The following ENO4 variants were observed in gnomAD, a reference collection of about 807,000 sequenced individuals.
The protein encoded by ENO4 is 2-phospho-D-glycerate hydro-lyase.
A neutral mutation model predicts 63.2 loss-of-function variants in ENO4; 53 were observed. The ratio of observed to expected loss-of-function variants is 0.84; its 90% CI spans 0.67 to 1.05. The LOEUF (loss-of-function observed/expected upper bound fraction) is 1.05, where lower values mean the gene tolerates loss of function less well. Among genes scored for constraint, ENO4 ranks in the 50% least tolerant of loss-of-function variants. ENO4 has a pLI of 0.00. For synonymous variants in ENO4, 266 were observed against 283.8 expected (o/e 0.94, Z 0.63); for missense variants, 719 against 772.0 (o/e 0.93, Z 0.81).
At position 116,858,323 on chromosome 10, in the gene ENO4, G is replaced by C. The variant is rs140292035; in HGVS notation, c.486-667G>C. ...GGGAATGTTGATACTTTGCCCCCAT[G>C]GTTGATAGTTTAGCTGAGTATAGAA... On this transcript the variant is annotated intron_variant, in intron 3 of 13. Coordinates refer to ENST00000341276, the MANE Select transcript of ENO4 (RefSeq NM_001242699.2). Among the ~76,000 whole-genome samples the C allele has an allele frequency of 3.2e-3, 489 of 152,272 alleles. 8 individuals carry two copies. Among genetic ancestry groups the C allele is most frequent in the Non-Finnish European group, 3.2e-3 (220 of 68,034 alleles).
exon 11 of ENO4, chr10:116,911,721 A>G (rs1017045093): frequency 7.2e-5 from 114 of 1,582,826 alleles, no homozygotes; most frequent in Non-Finnish European, 9.0e-5. Context: ...AATTCACAAA[A>G]AACAGATTTT....
chr10:116,871,528 C>A (rs561461892), intron 9 of ENO4, among the ~76,000 whole-genome samples: 1 of 152,064 alleles, frequency 6.6e-6, no homozygotes, highest in East Asian at 1.9e-4. Flanking sequence ...AGAAATTCTA[C>A]AATAAAGATA....
rs770989176 is a variant in ENO4 at position 116,856,605 on chromosome 10, G to A, written c.408G>A (p.Gln136=). Residue 136 remains glutamine (Q), a synonymous_variant, in exon 3 of 14, where the codon CAG becomes CAA. Coordinates refer to ENST00000341276, the MANE Select transcript of ENO4 (RefSeq NM_001242699.2). ...CCAGCGCGGTGAGCACCGCCGTGCA[G>A]TGGGTCAACAGCACCATCACGCACG... ...ERASAVSTAV[Q]WVNSTITHEL... 32 of 1,536,094 alleles carry A rather than the reference G, an allele frequency of 2.1e-5. No individual in the cohort carries two copies. Among genetic ancestry groups the A allele is most frequent in the Non-Finnish European group, 9.6e-6 (11 of 1,146,944 alleles).
chr10:116,898,016 A>G (rs1847582281), intron 10 of ENO4, among the ~76,000 whole-genome samples: 1 of 152,172 alleles, frequency 6.6e-6, no homozygotes. Flanking sequence ...CTCAAAGTAA[A>G]AGAGTTTCTT....
At chr10:116,905,702 G>A (rs115477352) in intron 10 of ENO4, among the ~76,000 whole-genome samples, 1,922 of 152,186 alleles carry the variant, frequency 0.013, 50 homozygotes, top group African/African-American at 0.045. Flanking sequence ...AAACTGTTAC[G>A]ATAGACTACT....
At chr10:116,889,120 G>C (rs970647713) in intron 10 of ENO4, among the ~76,000 whole-genome samples, 2 of 152,208 alleles carry the variant, frequency 1.3e-5, no homozygotes, top group Non-Finnish European at 2.9e-5. Context: ...GAACTACCAT[G>C]GATGTTTCCA....
intron 2 of ENO4, 128 bp downstream of exon 2, chr10:116,855,879 C>A: frequency 9.4e-7 from 1 of 1,060,426 alleles, no homozygotes; most frequent in Non-Finnish European, 1.3e-6. Context: ...CATAGGTAGT[C>A]ATGTAAGCAT....
chr10:116,877,973 G>T (rs1287081994), intron 11 of ENO4, among the ~76,000 whole-genome samples: 1 of 152,160 alleles, frequency 6.6e-6, no homozygotes, highest in African/African-American at 2.4e-5. Flanking sequence ...GCTTTGCTCT[G>T]ACATACTTGG....
chr10:116,907,851 C>G, intron 10 of ENO4: 1 of 515,892 alleles, frequency 1.9e-6, no homozygotes, highest in East Asian at 5.5e-5. Context: ...ATAATCTTGC[C>G]AGCCTTTGTA....
chr10:116,876,193 G>A lies in ENO4; in HGVS notation c.1470G>A (p.Gly490=), dbSNP rs193152343. The change falls in exon 11 of 14, where the codon GGG becomes GGA. Residue 490 remains glycine, a synonymous_variant. Transcript: ENST00000341276. ...QGNISIPKSN[G]LIIKHTNQTT... ...ACATCAGCATCCCCAAATCCAATGG[G>A]CTGATCATAAAACACACAAACCAAA... is the stretch of plus-strand genomic sequence containing the variant. 5.1e-5 allele frequency: 79 copies of A among 1,550,416 alleles called. No individual in the cohort carries two copies. Among genetic ancestry groups the A allele is most frequent in the Non-Finnish European group, 6.4e-5 (73 of 1,146,964 alleles).
intron 8 of ENO4, among the ~76,000 whole-genome samples, chr10:116,869,974 T>C (rs539466147): frequency 6.6e-6 from 1 of 152,348 alleles, no homozygotes; most frequent in African/African-American, 2.4e-5. Flanking sequence ...GAACAGTACC[T>C]GGCATTTAGT....
At chr10:116,906,505 C>T (rs1341642725) in intron 10 of ENO4, 2 of 991,414 alleles carry the variant, frequency 2.0e-6, no homozygotes, top group Non-Finnish European at 2.8e-6. Context: ...ATACTTCTCA[C>T]TCACATTAAA....
At chr10:116,901,033 A>C in intron 10 of ENO4, 1 of 985,434 alleles carries the variant, frequency 1.0e-6, no homozygotes, top group Non-Finnish European at 1.2e-6. Context: ...AGGAAATCAG[A>C]GGTTTAATTA....
chr10:116,905,004 A>G (rs1218471285), intron 10 of ENO4, among the ~76,000 whole-genome samples: 3 of 151,618 alleles, frequency 2.0e-5, no homozygotes, highest in African/African-American at 4.8e-5. Flanking sequence ...GATCGAGACC[A>G]TCCTGGCTAA....
chr10:116,859,778 T>A (rs1255591434), intron 4 of ENO4, among the ~76,000 whole-genome samples: 2 of 152,088 alleles, frequency 1.3e-5, no homozygotes, highest in Admixed American at 1.3e-4. Flanking sequence ...TCTAGCATGA[T>A]GCCAGGCACG....
chr10:116,879,589 C>G lies in ENO4; in HGVS notation c.1605+231C>G, dbSNP rs139862664. On this transcript the variant is annotated intron_variant, in intron 12 of 13. Coordinates refer to ENST00000341276, the MANE Select transcript of ENO4 (RefSeq NM_001242699.2). ...CTTAAATGACTGGGGTGTGCACCTG[C>G]AATCTTTCCTCCTAAAATGAAGAAA... is the stretch of plus-strand genomic sequence containing the variant. Among the ~76,000 whole-genome samples, 436 of 152,304 alleles carry G rather than the reference C, an allele frequency of 2.9e-3. 2 individuals carry two copies. The highest frequency in any genetic ancestry group is 4.6e-3 in the Non-Finnish European group (314 of 68,024).
chr10:116,858,950 TA>T, intron 3 of ENO4, 39 bp from the exon 4 acceptor site: 1 of 1,359,542 alleles, frequency 7.4e-7, no homozygotes, highest in Non-Finnish European at 1.0e-6. Context: ...GTGATATTCC[TA>T]AATATCCCAC....
At chr10:116,886,399 T>C (rs1381501783), downstream of ENO4, 3 of 1,579,122 alleles carry the variant, frequency 1.9e-6, no homozygotes, top group Admixed American at 3.7e-5. Flanking sequence ...TTCTTTGTTT[T>C]CTGGTTGAAT....
At chr10:116,859,807 T>C (rs1358826806) in intron 4 of ENO4, among the ~76,000 whole-genome samples, 3 of 152,040 alleles carry the variant, frequency 2.0e-5, no homozygotes, top group Admixed American at 6.6e-5. Flanking sequence ...ACCCAAATAA[T>C]GTGGGTTCCA....
Sources: allele counts gnomAD v4.1 joint callset (sites outside exome capture counted in the v4.1 genomes callset), GRCh38; gene constraint gnomAD v4.1.1; transcripts MANE v1.5; gene names NCBI Gene and HGNC (gene_info 2026-07-23, HGNC 2026-07-21).